DENND10: variants seen among roughly 807,000 people sequenced by gnomAD.
DENND10 encodes the protein DENN domain containing 10.
In DENND10, 24 loss-of-function variants were observed where a neutral mutation model predicts 43.6. The observed-to-expected ratio is 0.55, with a 90% CI of 0.40 to 0.77. DENND10 has a LOEUF of 0.77. DENND10 is among the 30% of genes least tolerant of loss of function. DENND10 has a pLI of 0.00. For synonymous variants in DENND10, 125 were observed against 157.6 expected (o/e 0.79, Z 1.55); for missense variants, 303 against 429.9 (o/e 0.70, Z 2.61).
chr10:119,108,145 A>G lies in DENND10; in HGVS notation c.233A>G (p.Asp78Gly). ...TATATCACAACAATTGAAGTTCCAG[A>G]TTCTTCCATTTTGAAAAAGGTATGA... Reference protein sequence around the residue: ...WFYITTIEVPDSSILKKVTHF... With the variant: ...WFYITTIEVPGSSILKKVTHF... The change falls in exon 2 of 9, where the codon GAT (aspartate) becomes GGT (glycine). Residue 78 changes from aspartate (D) to glycine (G), a missense_variant. By Grantham distance (94) the Asp-to-Gly change is moderately conservative. Transcript: ENST00000361432. 1 of 1,611,652 alleles carries G rather than the reference A, an allele frequency of 6.2e-7. No homozygotes were observed. The highest frequency in any genetic ancestry group is 8.5e-7 in the Non-Finnish European group (1 of 1,177,962).
intron 4 of DENND10, among the ~76,000 whole-genome samples, chr10:119,118,745 A>G (rs1589727774): frequency 6.6e-6 from 1 of 151,658 alleles, no homozygotes; most frequent in African/African-American, 2.4e-5. Context: ...ATTACGGCTC[A>G]CTGTAGCCTT....
chr10:119,111,795 A>G, intron 2 of DENND10, 54 bp from the exon 3 acceptor site: 1 of 1,355,594 alleles, frequency 7.4e-7, no homozygotes, highest in African/African-American at 1.4e-5. Flanking sequence ...AGTAATAAAA[A>G]TTCTGCTAAA....
intron 3 of DENND10, among the ~76,000 whole-genome samples, chr10:119,115,929 A>G (rs1441723804): frequency 2.0e-5 from 3 of 151,596 alleles, no homozygotes; most frequent in African/African-American, 4.9e-5. Flanking sequence ...AGGCCCAGCT[A>G]ATTTTTATAT....
intron 2 of DENND10, among the ~76,000 whole-genome samples, chr10:119,108,397 C>T (rs371255431): frequency 5.4e-4 from 82 of 150,748 alleles, no homozygotes; most frequent in African/African-American, 1.8e-3. Flanking sequence ...GCAGGAGAAT[C>T]GCTTGAACCT....
intron 3 of DENND10, among the ~76,000 whole-genome samples, chr10:119,113,131 G>A (rs183988994): frequency 1.3e-5 from 2 of 150,512 alleles, no homozygotes; most frequent in South Asian, 2.1e-4. Context: ...GATTATAGGC[G>A]TGAGCCACCG....
intron 4 of DENND10, among the ~76,000 whole-genome samples, chr10:119,119,409 T>C (rs532685872): frequency 6.6e-6 from 1 of 152,308 alleles, no homozygotes; most frequent in East Asian, 1.9e-4. Context: ...CCCAAAGTGC[T>C]GGAATTACAG....
intron 7 of DENND10, among the ~76,000 whole-genome samples, chr10:119,130,601 A>G (rs1281101161): frequency 2.0e-5 from 3 of 152,232 alleles, no homozygotes; most frequent in Non-Finnish European, 4.4e-5. Flanking sequence ...TTCTAAAACA[A>G]CACATATTTA....
At chr10:119,124,991 G>A (rs1219974511) in intron 6 of DENND10, among the ~76,000 whole-genome samples, 4 of 151,428 alleles carry the variant, frequency 2.6e-5, no homozygotes, top group Non-Finnish European at 4.4e-5. Flanking sequence ...TTTTTCTTGG[G>A]ACGGAGTTTT....
chr10:119,120,379 C>T lies in DENND10; in HGVS notation c.520C>T (p.His174Tyr), dbSNP rs369346358. The T allele has an allele frequency of 6.2e-7, 1 of 1,612,660 alleles. No homozygotes were observed. The highest frequency in any genetic ancestry group is 2.2e-5 in the East Asian group (1 of 44,878). ...GTTTGGAATGGAAACTGTTATCTTA[C>T]ACACAGCACTGATGCTAAAGAAAAG... is the stretch of plus-strand genomic sequence containing the variant. ...SQFGMETVIL[H>Y]TALMLKKRIV... The change falls in exon 5 of 9, where the codon CAC (histidine) becomes TAC (tyrosine). Residue 174 changes from histidine (H) to tyrosine (Y), a missense_variant. Physicochemically the swap from His to Tyr is moderately conservative, Grantham distance 83. Coordinates refer to ENST00000361432, the MANE Select transcript of DENND10 (RefSeq NM_207009.4).
At chr10:119,131,806 G>A (rs1375841053) in intron 7 of DENND10, among the ~76,000 whole-genome samples, 2 of 152,202 alleles carry the variant, frequency 1.3e-5, no homozygotes, top group African/African-American at 2.4e-5. Context: ...CTTTTGCAAA[G>A]CGAAAGTGAA....
At chr10:119,108,802 C>A (rs1257062088) in intron 2 of DENND10, among the ~76,000 whole-genome samples, 1 of 151,514 alleles carries the variant, frequency 6.6e-6, no homozygotes, top group African/African-American at 2.4e-5. Context: ...TTGCAGGCAC[C>A]CACCATCACG....
At chr10:119,134,183 G>A (rs1035691588) in intron 8 of DENND10, 1 of 150,082 alleles carries the variant, frequency 6.7e-6, no homozygotes, top group African/African-American at 2.5e-5. Flanking sequence ...GGGATTACAG[G>A]GGCCTGCCAC....
intron 3 of DENND10, among the ~76,000 whole-genome samples, chr10:119,115,283 G>T (rs1459818902): frequency 6.6e-6 from 1 of 151,066 alleles, no homozygotes; most frequent in Non-Finnish European, 1.5e-5. Flanking sequence ...GTGAGCCTGT[G>T]TGTGAGTTCC....
At chr10:119,135,815 A>AAAAAAAAAAAAAAAC (rs1564804559) in intron 8 of DENND10, among the ~76,000 whole-genome samples, 15 of 138,000 alleles carry the variant, frequency 1.1e-4, no homozygotes, top group South Asian at 2.3e-4. Context: ...AAAAAAAAAA[A>AAAAAAAAAAAAAAAC]ACCAAAACCA....
intron 6 of DENND10, among the ~76,000 whole-genome samples, chr10:119,129,014 T>G (rs1205642162): frequency 2.6e-5 from 4 of 152,196 alleles, no homozygotes; most frequent in Non-Finnish European, 5.9e-5. Flanking sequence ...CAAATAATTT[T>G]TTTTTTTGGT....
In DENND10 at chr10:119,132,682, C is replaced by A; in HGVS notation, c.897+73C>A. On this transcript the variant is annotated intron_variant, in intron 8 of 8. Coordinates refer to ENST00000361432, the MANE Select transcript of DENND10 (RefSeq NM_207009.4). The surrounding 1 kb of genome is among the most constrained non-coding windows in gnomAD (Gnocchi z 4.2). ...CTGGGTGGTGTGCGGCAGAGCTGTG[C>A]ACATAAGCAGAGTGGGGGGCTGTGG... is the stretch of plus-strand genomic sequence containing the variant. 8.0e-7 allele frequency: 1 copy of A among 1,257,118 alleles called. No individual in the cohort carries two copies. The highest frequency in any genetic ancestry group is 1.2e-6 in the Non-Finnish European group (1 of 854,958). 77.9% of individuals were successfully genotyped at this position (1,257,118 alleles called of 1,614,324 possible). A position where few individuals can be genotyped will look rare whatever the true frequency, so the allele number is the denominator to read the frequency against.
chr10:119,111,992 C>A, intron 3 of DENND10, 64 bp downstream of exon 3: 2 of 1,210,504 alleles, frequency 1.7e-6, no homozygotes, highest in Non-Finnish European at 2.4e-6. Flanking sequence ...AGTTACATAG[C>A]AGATTTCTAC....
chr10:119,128,406 G>A (rs1179881967), intron 6 of DENND10, among the ~76,000 whole-genome samples: 1 of 150,306 alleles, frequency 6.7e-6, no homozygotes, highest in Admixed American at 6.7e-5. Context: ...TCAGGAGTTC[G>A]ACACCAGTCT....
At chr10:119,116,665 C>CTTTT (rs71016543) in intron 3 of DENND10, among the ~76,000 whole-genome samples, 23 of 132,198 alleles carry the variant, frequency 1.7e-4, no homozygotes, top group African/African-American at 6.3e-4. Context: ...TTCTTTCTTT[C>CTTTT]TTTTTTTTTT....
Sources: gnomAD v4.1 joint callset for allele counts (sites outside exome capture counted in the v4.1 genomes callset) on GRCh38, gnomAD v4.1.1 for gene constraint, Gnocchi (gnomAD v3.1) non-coding constraint, MANE v1.5 for transcripts, NCBI Gene and HGNC (gene_info 2026-07-23, HGNC 2026-07-21) for gene names.